NLRC5: variants seen among roughly 807,000 people sequenced by gnomAD.
NLRC5 encodes NLR family CARD domain containing 5, also known as protein NLRC5.
A neutral mutation model predicts 206.9 loss-of-function variants in NLRC5; 114 were observed. The observed-to-expected ratio is 0.55, with a 90% confidence interval of 0.47 to 0.64. The LOEUF is 0.64. Ranked by LOEUF, NLRC5 falls within the 30% of genes least tolerant of loss-of-function variation. The pLI, the probability that NLRC5 is intolerant of heterozygous loss-of-function variation, is 0.00. For missense variants in NLRC5, 2,008 were observed against 2,305.5 expected, an observed-to-expected ratio of 0.87 and a Z score of 2.64; for synonymous variants, 952 against 962.8, an observed-to-expected ratio of 0.99 and a Z score of 0.21.
intron 27 of NLRC5, 88 bp downstream of exon 27, chr16:57,055,607 T>G: frequency 4.9e-6 from 5 of 1,011,462 alleles, no homozygotes; most frequent in Non-Finnish European, 7.7e-6. Context: ...TGTGTGCACA[T>G]ACACTCATGT....
intron 1 of NLRC5, chr16:57,013,805 G>T: frequency 1.4e-6 from 1 of 704,322 alleles, no homozygotes; most frequent in South Asian, 1.5e-5. Context: ...AAGCGCAACT[G>T]AACTAGCAGT....
intron 24 of NLRC5, among the ~76,000 whole-genome samples, chr16:57,053,284 C>G (rs1173345326): frequency 6.6e-6 from 1 of 152,094 alleles, no homozygotes; most frequent in African/African-American, 2.4e-5. Flanking sequence ...TTGTGAAGAG[C>G]AGGGAACTGC....
intron 38 of NLRC5, among the ~76,000 whole-genome samples, chr16:57,072,995 T>C (rs2067965902): frequency 6.6e-6 from 1 of 152,166 alleles, no homozygotes; most frequent in Admixed American, 6.5e-5. Flanking sequence ...GTCTCACTGG[T>C]CTGTTTCTTT....
intron 24 of NLRC5, among the ~76,000 whole-genome samples, chr16:57,053,739 T>C (rs753750762): frequency 9.2e-5 from 14 of 152,118 alleles, no homozygotes; most frequent in Admixed American, 1.3e-4. Flanking sequence ...ATGTTGACCA[T>C]GCTGGTCTCA....
chr16:57,071,198 GCGT>G, intron 38 of NLRC5, among the ~76,000 whole-genome samples: 1 of 149,418 alleles, frequency 6.7e-6, no homozygotes, highest in African/African-American at 2.5e-5. Context: ...TGAGTGAGTG[GCGT>G]TGGTGGTTAA....
intron 30 of NLRC5, 141 bp downstream of exon 30, chr16:57,059,673 C>T: frequency 1.3e-6 from 1 of 751,024 alleles, no homozygotes; most frequent in South Asian, 2.3e-5. Context: ...GTCTGTTCCT[C>T]CAGATCTGCC....
intron 11 of NLRC5, 26 bp downstream of exon 11, chr16:57,031,489 TG>T (rs1396472700): frequency 1.2e-6 from 2 of 1,612,262 alleles, no homozygotes; most frequent in Middle Eastern, 1.7e-4. Flanking sequence ...GCGGTGGGCC[TG>T]GGGCCATCCT....
At chr16:57,031,590 G>A (rs1359003113) in intron 11 of NLRC5, 127 bp downstream of exon 11, 2 of 842,610 alleles carry the variant, frequency 2.4e-6, no homozygotes, top group Non-Finnish European at 3.9e-6. Context: ...TGCTACTGCT[G>A]CACTGAGGAA....
At chr16:57,060,757 T>C (rs1417894382) in intron 30 of NLRC5, among the ~76,000 whole-genome samples, 3 of 152,212 alleles carry the variant, frequency 2.0e-5, no homozygotes, top group Non-Finnish European at 4.4e-5. Flanking sequence ...TTCTCTTCCT[T>C]GCCTTTTCTG....
intron 46 of NLRC5, among the ~76,000 whole-genome samples, 160 bp downstream of exon 46, chr16:57,079,789 C>T (rs1277432458): frequency 6.6e-6 from 1 of 152,210 alleles, no homozygotes; most frequent in Non-Finnish European, 1.5e-5. Context: ...CTCAGACATC[C>T]TCTCAAAGAC....
intron 16 of NLRC5, 128 bp downstream of exon 16, chr16:57,039,977 G>A: frequency 3.5e-6 from 3 of 846,850 alleles, no homozygotes; most frequent in South Asian, 3.1e-5. Context: ...AGAGCGGGAA[G>A]TGAGCAGGCT....
In NLRC5 at chr16:57,081,507, C is replaced by T. The variant is rs2069143282; in HGVS notation, c.5406-20C>T. ...ATGGCCGTGTTTCTCTTTCCCCTCC[C>T]CTCACTGTCCACTGAGAAGCCTGGA... On this transcript the variant is annotated intron_variant, in intron 47 of 48. Transcript: ENST00000688547. 6 of 1,610,844 alleles carry T rather than the reference C, an allele frequency of 3.7e-6. No homozygotes were observed. Among genetic ancestry groups the T allele is most frequent in the Non-Finnish European group, 5.1e-6 (6 of 1,177,224 alleles).
Position 57,077,509 on chromosome 16 carries a change from C to T in NLRC5, c.4919+130C>T, listed in dbSNP as rs557273927. On this transcript the variant is annotated intron_variant, in intron 41 of 48. Transcript: ENST00000688547. The stretch of plus-strand genomic sequence containing the variant: ...ACCTCAGTGTCCAGGCAGTGGGGCT[C>T]GGTGACCTCCTGGCCCTCACTGCGG... The T allele has an allele frequency of 1.0e-4, 97 of 971,992 alleles. 1 individual carries two copies. The highest frequency in any genetic ancestry group is 1.2e-4 in the South Asian group (8 of 64,172). 60.2% of individuals were successfully genotyped at this position (971,992 alleles called of 1,614,324 possible).
chr16:57,005,413 C>T (rs72773120), intron 1 of NLRC5, among the ~76,000 whole-genome samples: 8,002 of 151,430 alleles, frequency 0.053, 265 homozygotes, highest in East Asian at 0.13. Flanking sequence ...AATCCCAACA[C>T]TTGGGGAGGC....
intron 1 of NLRC5, among the ~76,000 whole-genome samples, chr16:57,004,757 G>C (rs1036009967): frequency 6.6e-6 from 1 of 152,228 alleles, no homozygotes; most frequent in African/African-American, 2.4e-5. Flanking sequence ...TCTAAGCTCT[G>C]TGTCAACAGC....
intron 32 of NLRC5, chr16:57,062,085 C>T: frequency 8.1e-7 from 1 of 1,237,144 alleles, no homozygotes; most frequent in Non-Finnish European, 1.1e-6. Context: ...TTTAAAACTC[C>T]TATTCCCAGA....
chr16:57,028,223 T>A, intron 7 of NLRC5, 68 bp downstream of exon 7: 1 of 1,573,832 alleles, frequency 6.4e-7, no homozygotes, highest in Non-Finnish European at 8.7e-7. Context: ...TCCCTCTCCT[T>A]AATCCTACAC....
intron 32 of NLRC5, among the ~76,000 whole-genome samples, chr16:57,063,175 C>T (rs994545855): frequency 2.1e-5 from 3 of 142,624 alleles, no homozygotes; most frequent in East Asian, 2.1e-4. Flanking sequence ...TGCACTGGCT[C>T]GATCTCAGCT....
chr16:57,050,467 G>A (rs1169736236), intron 23 of NLRC5, among the ~76,000 whole-genome samples: 2 of 152,276 alleles, frequency 1.3e-5, no homozygotes, highest in African/African-American at 4.8e-5. Context: ...CCCGGAGAGG[G>A]GAGAGGGCAG....
Sources: gnomAD v4.1 joint callset for allele counts (sites outside exome capture counted in the v4.1 genomes callset) on GRCh38, gnomAD v4.1.1 for gene constraint, MANE v1.5 for transcripts, NCBI Gene and HGNC (gene_info 2026-07-23, HGNC 2026-07-21) for gene names.